Variants in ZNF569 observed in about 807,000 individuals in gnomAD.
ZNF569 encodes the protein DNA-binding protein.
In ZNF569, 38 loss-of-function variants were observed where a neutral mutation model predicts 56.3. The observed-to-expected ratio is 0.68, with a 90% CI of 0.52 to 0.88. ZNF569 has a LOEUF of 0.88. Ranked by LOEUF, ZNF569 falls within the 40% of genes least tolerant of loss-of-function variation. ZNF569 has a pLI of 0.00. For missense variants in ZNF569, 666 were observed against 809.2 expected (o/e 0.82, Z 2.15); for synonymous variants, 241 against 262.9 (o/e 0.92, Z 0.81).
chr19:37,431,465 G>A (rs1295397730), intron 3 of ZNF569: 2 of 152,322 alleles, frequency 1.3e-5, no homozygotes, highest in African/African-American at 4.8e-5. Context: ...GTTGCCTTGA[G>A]AGGAAGAACT....
intron 2 of ZNF569, among the ~76,000 whole-genome samples, chr19:37,452,189 A>G (rs1299068355): frequency 2.0e-5 from 3 of 150,670 alleles, no homozygotes; most frequent in Non-Finnish European, 4.4e-5. Context: ...ACATACAAAA[A>G]CTCTTCATTT....
chr19:37,464,346 C>G (rs2112920), intron 2 of ZNF569, among the ~76,000 whole-genome samples: 37,364 of 151,944 alleles, frequency 0.25, 5,242 homozygotes, highest in African/African-American at 0.39. Flanking sequence ...TGTGCTACCA[C>G]GCCTGGCTAA....
chr19:37,451,266 G>A (rs1600339906), intron 2 of ZNF569, among the ~76,000 whole-genome samples: 1 of 152,010 alleles, frequency 6.6e-6, no homozygotes, highest in East Asian at 1.9e-4. Context: ...TGGGCATGGT[G>A]GTGGACACCT....
At chr19:37,414,450 C>T (rs1600285939) in intron 5 of ZNF569, 31 bp from the exon 6 acceptor site, 4 of 1,522,950 alleles carry the variant, frequency 2.6e-6, no homozygotes, top group Non-Finnish European at 8.8e-7. Context: ...ATATCACTTA[C>T]AAATTTTTTT....
At chr19:37,455,474 A>T (rs1375202827) in intron 2 of ZNF569, among the ~76,000 whole-genome samples, 1 of 152,212 alleles carries the variant, frequency 6.6e-6, no homozygotes, top group Non-Finnish European at 1.5e-5. Flanking sequence ...GCTCTGATAC[A>T]GTTAAAATGC....
intron 3 of ZNF569, among the ~76,000 whole-genome samples, chr19:37,432,459 G>A (rs2041241825): frequency 1.3e-5 from 2 of 152,208 alleles, no homozygotes; most frequent in Non-Finnish European, 2.9e-5. Flanking sequence ...AACTGGGCTT[G>A]GCATGCCCCC....
At chr19:37,432,824 G>T (rs1293992599) in intron 3 of ZNF569, among the ~76,000 whole-genome samples, 1 of 150,706 alleles carries the variant, frequency 6.6e-6, no homozygotes, top group Admixed American at 6.6e-5. Context: ...ATTTAACAAA[G>T]AGACTGAAAT....
In ZNF569 at chr19:37,415,879, CAAAAGAA is replaced by C. The variant is rs1201580354; in HGVS notation, c.239-1467_239-1461del. Among the ~76,000 whole-genome samples the C allele has an allele frequency of 3.7e-5, 5 of 136,196 alleles. No homozygotes were observed. The East Asian group carries it at 8.5e-4, about 23-fold the overall frequency. The allele number at this position is 136,196 out of a possible 152,430, so 89.3% of individuals were successfully genotyped here. A position where few individuals can be genotyped will look rare whatever the true frequency, so the allele number is the denominator to read the frequency against. On this transcript the variant is annotated intron_variant, in intron 5 of 5. Transcript: ENST00000316950. Reference sequence around the variant, plus strand: ...TGGGCGACAGAGTGAGACTCTGTCTCAAAAGAAAAAAGAAAAAGAAAAAAAAAAAGAA... The same window carrying C: ...TGGGCGACAGAGTGAGACTCTGTCTCAAAAGAAAAAGAAAAAAAAAAAGAA...
At chr19:37,458,021 C>T (rs954663680) in intron 2 of ZNF569, among the ~76,000 whole-genome samples, 3 of 152,080 alleles carry the variant, frequency 2.0e-5, no homozygotes, top group Admixed American at 2.0e-4. Context: ...CAGGCATGCA[C>T]AACCATGCCT....
At chr19:37,425,073 C>G (rs1325773106) in intron 5 of ZNF569, among the ~76,000 whole-genome samples, 1 of 151,696 alleles carries the variant, frequency 6.6e-6, no homozygotes, top group Non-Finnish European at 1.5e-5. Flanking sequence ...GAGCCGAGAT[C>G]GCGCCACTGT....
In ZNF569 at chr19:37,464,976, A is replaced by G. The variant is rs181255112; in HGVS notation, c.-44+337T>C. Among the ~76,000 whole-genome samples, 11 of 152,300 alleles carry G rather than the reference A, an allele frequency of 7.2e-5. No individual in the cohort carries two copies. In the East Asian group the frequency reaches 1.7e-3, roughly 24 times the overall value. On this transcript the variant is annotated intron_variant, in intron 2 of 5. Transcript: ENST00000316950. ...TTAATACTACGGGCCATAAAGCCCAATTTGATCTGCCCTCCTCCCATCCAC... is the reference window on the plus strand; with the variant it reads ...TTAATACTACGGGCCATAAAGCCCAGTTTGATCTGCCCTCCTCCCATCCAC...
chr19:37,434,112 C>A (rs1263479499), intron 3 of ZNF569, among the ~76,000 whole-genome samples: 1 of 151,754 alleles, frequency 6.6e-6, no homozygotes, highest in Non-Finnish European at 1.5e-5. Context: ...CCATTCTGGC[C>A]AACACTGTGA....
intron 5 of ZNF569, among the ~76,000 whole-genome samples, chr19:37,421,116 C>T (rs73631041): frequency 0.017 from 2,601 of 152,288 alleles, 71 homozygotes; most frequent in African/African-American, 0.059. Flanking sequence ...ATGCTGTAAA[C>T]AGATGTGCTG....
chr19:37,414,008 C>G lies in ZNF569; in HGVS notation c.650G>C (p.Ser217Thr). 1 of 1,613,260 alleles carries G rather than the reference C, an allele frequency of 6.2e-7. No individual in the cohort carries two copies. Among genetic ancestry groups the G allele is most frequent in the Non-Finnish European group, 8.5e-7 (1 of 1,179,804 alleles). The change falls in exon 6 of 6, where the codon AGT (serine) becomes ACT (threonine). Residue 217 changes from serine (S) to threonine (T), a missense_variant. By Grantham distance (58) the Ser-to-Thr change is moderately conservative. Coordinates refer to ENST00000316950, the MANE Select transcript of ZNF569 (RefSeq NM_152484.3). ...IHTGEKPYEC[S>T]NCRKAFSHKE... ...GTGACTGAAGGCTTTTCTACAGTTA[C>G]TACATTCATAGGGCTTCTCTCCAGT...
intron 3 of ZNF569, among the ~76,000 whole-genome samples, chr19:37,443,901 C>T (rs551441230): frequency 6.6e-6 from 1 of 151,716 alleles, no homozygotes; most frequent in South Asian, 2.1e-4. Flanking sequence ...GCCTATAATC[C>T]CAGCTACAAT....
chr19:37,417,440 G>C (rs1358734226), intron 5 of ZNF569, among the ~76,000 whole-genome samples: 1 of 151,874 alleles, frequency 6.6e-6, no homozygotes, highest in Non-Finnish European at 1.5e-5. Flanking sequence ...GTAGAGATGG[G>C]GTTTCACCAT....
chr19:37,454,365 T>A (rs2041639692), intron 2 of ZNF569, among the ~76,000 whole-genome samples: 1 of 152,090 alleles, frequency 6.6e-6, no homozygotes, highest in Non-Finnish European at 1.5e-5. Flanking sequence ...CATTCTCTTA[T>A]GATCTCACTA....
chr19:37,425,665 A>G (rs2041118864), intron 5 of ZNF569: 2 of 436,298 alleles, frequency 4.6e-6, no homozygotes, highest in Non-Finnish European at 8.3e-6. Flanking sequence ...AGGTCTCACT[A>G]TGTTGCCCAG....
At chr19:37,453,476 G>T (rs2041626542) in intron 2 of ZNF569, among the ~76,000 whole-genome samples, 1 of 152,062 alleles carries the variant, frequency 6.6e-6, no homozygotes, top group East Asian at 1.9e-4. Context: ...TTTTTGCTTG[G>T]TGTGAAATCC....
Sources: gnomAD v4.1 joint callset for allele counts (sites outside exome capture counted in the v4.1 genomes callset) on GRCh38, gnomAD v4.1.1 for gene constraint, MANE v1.5 for transcripts, NCBI Gene and HGNC (gene_info 2026-07-23, HGNC 2026-07-21) for gene names.